Variants in RBFOX1 observed in about 807,000 individuals in gnomAD.
RBFOX1 encodes RNA binding protein fox-1 homolog 1.
A neutral mutation model predicts 57.7 loss-of-function variants in RBFOX1; 8 were observed. The observed-to-expected ratio is 0.14, with a 90% CI of 0.08 to 0.25. RBFOX1 has a LOEUF of 0.25. Among genes scored for constraint, RBFOX1 ranks in the 10% least tolerant of loss-of-function variants. RBFOX1 has a pLI of 1.00. For synonymous variants in RBFOX1, 326 were observed against 222.4 expected, an observed-to-expected ratio of 1.47 and a Z score of -4.15; for missense variants, 611 against 548.5, an observed-to-expected ratio of 1.11 and a Z score of -1.14.
At chr16:6,734,007 C>A (rs2069390908) in intron 3 of RBFOX1, among the ~76,000 whole-genome samples, 2 of 152,144 alleles carry the variant, frequency 1.3e-5, no homozygotes, top group Non-Finnish European at 2.9e-5. Context: ...CAGTCCCTGC[C>A]ACATCATTAC....
At chr16:7,710,075 T>A (rs2083723223) in intron 15 of RBFOX1, 1 of 1,000,400 alleles carries the variant, frequency 1.0e-6, no homozygotes, top group East Asian at 1.1e-4. Context: ...CAGCCATGAT[T>A]TGGAAGCATT....
At chr16:5,755,488 C>T (rs1028406007) in intron 3 of RBFOX1, among the ~76,000 whole-genome samples, 2 of 152,174 alleles carry the variant, frequency 1.3e-5, no homozygotes, top group South Asian at 2.1e-4. Context: ...GTTAGGTAGA[C>T]CAAAGCAGTA....
At chr16:6,154,472 A>G (rs1412888282) in intron 1 of RBFOX1, among the ~76,000 whole-genome samples, 3 of 152,226 alleles carry the variant, frequency 2.0e-5, no homozygotes, top group Non-Finnish European at 4.4e-5. Context: ...TAGTGAATCT[A>G]TTATCCTACA....
chr16:6,534,704 C>A (rs2096711698), intron 2 of RBFOX1, among the ~76,000 whole-genome samples: 1 of 152,000 alleles, frequency 6.6e-6, no homozygotes, highest in South Asian at 2.1e-4. Context: ...ATTTTTTCTG[C>A]TGGGGGAGAA....
At chr16:7,708,003 G>A (rs532106254) in intron 14 of RBFOX1, among the ~76,000 whole-genome samples, 1 of 152,158 alleles carries the variant, frequency 6.6e-6, no homozygotes, top group African/African-American at 2.4e-5. Flanking sequence ...AAACAAGTAT[G>A]GGCACAGGAT....
chr16:6,229,640 C>T (rs1231571697), intron 1 of RBFOX1, among the ~76,000 whole-genome samples: 6 of 151,032 alleles, frequency 4.0e-5, no homozygotes, highest in African/African-American at 1.2e-4. Context: ...ATTTAGTATG[C>T]ATATAAATTT....
chr16:5,985,657 A>T (rs1392636016), intron 4 of RBFOX1, among the ~76,000 whole-genome samples: 2 of 151,840 alleles, frequency 1.3e-5, no homozygotes, highest in Non-Finnish European at 2.9e-5. Flanking sequence ...TCCTAGTAGT[A>T]CTCTTCCTCC....
At chr16:5,935,552 A>C (rs2059151713) in intron 4 of RBFOX1, among the ~76,000 whole-genome samples, 2 of 152,146 alleles carry the variant, frequency 1.3e-5, no homozygotes, top group African/African-American at 4.8e-5. Flanking sequence ...TGAGAGCAGG[A>C]AAGAAGAGGT....
intron 1 of RBFOX1, among the ~76,000 whole-genome samples, chr16:5,379,290 G>A (rs2066070863): frequency 6.6e-6 from 1 of 151,420 alleles, no homozygotes; most frequent in Non-Finnish European, 1.5e-5. Context: ...TATGAAAGCA[G>A]TTTTTATCGT....
At chr16:6,958,961 T>C (rs561159971) in intron 3 of RBFOX1, among the ~76,000 whole-genome samples, 4 of 152,320 alleles carry the variant, frequency 2.6e-5, no homozygotes, top group African/African-American at 7.2e-5. Context: ...TGTAAAGTTA[T>C]AAAAGTTTGA....
intron 1 of RBFOX1, among the ~76,000 whole-genome samples, chr16:5,304,740 TG>T (rs762492504): frequency 7.2e-5 from 11 of 152,082 alleles, no homozygotes; most frequent in Non-Finnish European, 1.3e-4. Context: ...CTATCATAAC[TG>T]GTCATGAGAG....
At chr16:5,791,931 C>T (rs568478912) in intron 3 of RBFOX1, among the ~76,000 whole-genome samples, 2 of 152,266 alleles carry the variant, frequency 1.3e-5, no homozygotes, top group East Asian at 3.9e-4. Flanking sequence ...GGCCACCCTC[C>T]AGACTTCTTG....
In RBFOX1 at chr16:6,288,340, T is replaced by G. The variant is rs537234859; in HGVS notation, c.-126-28655T>G. ...TAAAAGAATTGCTTAGGAGATCTTG[T>G]TCAAATATAGATTCAGATTTGGAAG... On this transcript the variant is annotated intron_variant, in intron 1 of 15. Coordinates refer to ENST00000550418, the MANE Select transcript of RBFOX1 (RefSeq NM_018723.4). Among the ~76,000 whole-genome samples, 4 of 152,284 alleles carry G rather than the reference T, an allele frequency of 2.6e-5. No individual in the cohort carries two copies. In the East Asian group the frequency reaches 5.8e-4, roughly 22 times the overall value.
intron 1 of RBFOX1, among the ~76,000 whole-genome samples, chr16:5,253,577 C>CTTT (rs2062510182): frequency 6.6e-6 from 1 of 152,316 alleles, no homozygotes; most frequent in Non-Finnish European, 1.5e-5. Flanking sequence ...GCAGGTTGAA[C>CTTT]TTGGCCTCTG....
In RBFOX1 at chr16:6,465,905, C is replaced by T. The variant is rs1358819821; in HGVS notation, c.-64+148848C>T. Among the ~76,000 whole-genome samples, 3 of 92,942 alleles carry T rather than the reference C, an allele frequency of 3.2e-5. 1 individual carries two copies. The South Asian group carries it at 8.8e-4, about 27-fold the overall frequency. 61.0% of individuals were successfully genotyped at this position (92,942 alleles called of 152,430 possible). A position where few individuals can be genotyped will look rare whatever the true frequency, so the allele number is the denominator to read the frequency against. ...GTGTTTGTGTGTGTGTGTGTGTGTTCTTTAAACTTTTAAGCTAATCCTTAG... is the reference window on the plus strand; with the variant it reads ...GTGTTTGTGTGTGTGTGTGTGTGTTTTTTAAACTTTTAAGCTAATCCTTAG... On this transcript the variant is annotated intron_variant, in intron 2 of 15. Transcript: ENST00000550418.
chr16:7,216,486 C>T (rs148247475), intron 4 of RBFOX1, among the ~76,000 whole-genome samples: 78 of 152,142 alleles, frequency 5.1e-4, no homozygotes, highest in East Asian at 9.7e-4. Flanking sequence ...GAGACCTTGT[C>T]GCTAAAAATT....
At chr16:6,712,315 A>T (rs1353453651) in intron 3 of RBFOX1, among the ~76,000 whole-genome samples, 2 of 152,170 alleles carry the variant, frequency 1.3e-5, no homozygotes, top group Admixed American at 1.3e-4. Flanking sequence ...TGGGTCTGCC[A>T]AATACCCATT....
chr16:7,131,742 A>T (rs1472332241), intron 4 of RBFOX1, among the ~76,000 whole-genome samples: 1 of 152,014 alleles, frequency 6.6e-6, no homozygotes, highest in African/African-American at 2.4e-5. Flanking sequence ...CTCTTGTACA[A>T]ATTGGCCACT....
intron 3 of RBFOX1, among the ~76,000 whole-genome samples, chr16:5,770,611 C>T (rs934182490): frequency 3.9e-5 from 6 of 152,052 alleles, no homozygotes; most frequent in African/African-American, 1.4e-4. Flanking sequence ...CTCTGTTGCT[C>T]TAGTAAACAC....
Sources: gnomAD v4.1 joint callset for allele counts (sites outside exome capture counted in the v4.1 genomes callset) on GRCh38, gnomAD v4.1.1 for gene constraint, MANE v1.5 for transcripts, NCBI Gene and HGNC (gene_info 2026-07-23, HGNC 2026-07-21) for gene names.